CDCA7: variants seen among roughly 807,000 people sequenced by gnomAD.
CDCA7 encodes the protein cell division cycle associated 7.
A neutral mutation model predicts 54.0 loss-of-function variants in CDCA7; 28 were observed. The observed-to-expected ratio is 0.52, with a 90% CI of 0.38 to 0.71. The LOEUF is 0.71. Among genes scored for constraint, CDCA7 ranks in the 30% least tolerant of loss-of-function variants. The pLI is 0.00. For missense variants in CDCA7, 484 were observed against 586.0 expected, an observed-to-expected ratio of 0.83 and a Z score of 1.80; for synonymous variants, 180 against 208.2, an observed-to-expected ratio of 0.86 and a Z score of 1.16.
At chr2:173,361,063 T>G (rs1370800239) in intron 3 of CDCA7, among the ~76,000 whole-genome samples, 1 of 152,238 alleles carries the variant, frequency 6.6e-6, no homozygotes, top group Non-Finnish European at 1.5e-5. Flanking sequence ...TGGTCTTTTG[T>G]GACTGGCTTC....
chr2:173,367,349 A>G (rs1686743222), intron 9 of CDCA7, 63 bp downstream of exon 9: 9 of 1,600,084 alleles, frequency 5.6e-6, no homozygotes, highest in Admixed American at 1.7e-5. Flanking sequence ...TCTTAATGAG[A>G]AGATGATAGA....
At chr2:173,362,005 C>T (rs1405489383) in intron 3 of CDCA7, among the ~76,000 whole-genome samples, 1 of 151,986 alleles carries the variant, frequency 6.6e-6, no homozygotes, top group African/African-American at 2.4e-5. Context: ...TTAGTAGAAA[C>T]GGGATTTCAC....
chr2:173,355,433 G>T (rs1686479458), intron 1 of CDCA7, among the ~76,000 whole-genome samples: 1 of 152,232 alleles, frequency 6.6e-6, no homozygotes, highest in Non-Finnish European at 1.5e-5. Context: ...CGCGCTCAGT[G>T]GGTGGCCCTT....
chr2:173,366,136 C>T lies in CDCA7; in HGVS notation c.1036-147C>T, dbSNP rs1363315842. On this transcript the variant is annotated intron_variant, in intron 7 of 9. Transcript: ENST00000306721. This position sits in a 1 kb window ranked among gnomAD's most constrained non-coding sequence, Gnocchi z 4.5. ...CACTGCACCTGGTTGAGTTATTTTT[C>T]ATACCCTGGCATATACATGTGTATG... The T allele has an allele frequency of 4.4e-5, 40 of 906,260 alleles. No homozygotes were observed. Among genetic ancestry groups the T allele is most frequent in the Non-Finnish European group, 5.9e-5 (37 of 623,652 alleles). 56.1% of individuals were successfully genotyped at this position (906,260 alleles called of 1,614,324 possible). A position where few individuals can be genotyped will look rare whatever the true frequency, so the allele number is the denominator to read the frequency against.
chr2:173,364,605 C>A, intron 5 of CDCA7, 190 bp from the exon 6 acceptor site: 1 of 659,250 alleles, frequency 1.5e-6, no homozygotes, highest in Non-Finnish European at 2.2e-6. Flanking sequence ...CTTGGTATTA[C>A]AAAAGCAAAA....
In CDCA7 at chr2:173,367,281, G is replaced by A; in HGVS notation, c.1317G>A (p.Leu439=). The change falls in exon 9 of 10, where the codon TTG becomes TTA. Residue 439 remains leucine, a synonymous_variant. Coordinates refer to ENST00000306721, the MANE Select transcript of CDCA7 (RefSeq NM_031942.5). ...YHGFGNVHAY[L]KSLKQEFEMQ... ...GCTTTGGGAATGTGCATGCCTACTT[G>A]AAAAGGTAGTGGGTGTTTTTTTTTC... The A allele has an allele frequency of 6.2e-7, 1 of 1,614,080 alleles. No homozygotes were observed.
chr2:173,365,110 C>T (rs1686696002), intron 6 of CDCA7, 121 bp downstream of exon 6: 1 of 1,385,848 alleles, frequency 7.2e-7, no homozygotes, highest in Admixed American at 3.3e-5. Flanking sequence ...ATGTTTTCCT[C>T]TAACCATTCA....
chr2:173,359,500 G>A lies in CDCA7; in HGVS notation c.384+9G>A, dbSNP rs866252173. On this transcript the variant is annotated intron_variant, in intron 3 of 9. Transcript: ENST00000306721. ...AGATACAAGATGGAATGGTGAGTTC[G>A]AGAATTTCACCAGTTTCAAGAAGTA... 10 of 1,600,654 alleles carry A rather than the reference G, an allele frequency of 6.2e-6. No homozygotes were observed. The Middle Eastern group carries it at 1.3e-3, about 212-fold the overall frequency.
chr2:173,358,860 C>G, intron 2 of CDCA7, 23 bp downstream of exon 2: 1 of 1,605,650 alleles, frequency 6.2e-7, no homozygotes, highest in East Asian at 2.2e-5. Flanking sequence ...TGAGAATAAA[C>G]AGAATTGAGT....
intron 7 of CDCA7, among the ~76,000 whole-genome samples, chr2:173,365,959 T>G (rs1201674349): frequency 1.3e-5 from 2 of 152,174 alleles, no homozygotes; most frequent in Non-Finnish European, 2.9e-5. Context: ...GACCTTTTCT[T>G]AAAGGGAAAG....
intron 5 of CDCA7, 28 bp from the exon 6 acceptor site, chr2:173,364,767 T>TG: frequency 6.4e-7 from 1 of 1,562,976 alleles, no homozygotes; most frequent in Non-Finnish European, 8.6e-7. Context: ...ATGGAATAAA[T>TG]GGATTCCCTT....
Position 173,364,924 on chromosome 2 carries a change from G to A in CDCA7, c.829G>A (p.Glu277Lys). Reference protein sequence around the residue: ...LGSLDALPMEEEEEEDKYMLV... With the variant: ...LGSLDALPMEKEEEEDKYMLV... ...GTCCCTTGACGCTCTACCCATGGAG[G>A]AGGAGGAGGAAGAGGATAAGTACAT... Residue 277 changes from glutamate (E) to lysine (K), a missense_variant, in exon 6 of 10, where the codon GAG (glutamate) becomes AAG (lysine). Glu to Lys is a moderately conservative substitution (Grantham distance 56). Coordinates refer to ENST00000306721, the MANE Select transcript of CDCA7 (RefSeq NM_031942.5). The A allele has an allele frequency of 1.9e-6, 3 of 1,608,932 alleles. No homozygotes were observed. The highest frequency in any genetic ancestry group is 2.5e-6 in the Non-Finnish European group (3 of 1,178,360).
chr2:173,362,069 G>A (rs944752254), intron 3 of CDCA7, among the ~76,000 whole-genome samples: 2 of 152,102 alleles, frequency 1.3e-5, no homozygotes, highest in Non-Finnish European at 2.9e-5. Context: ...CGCCTGCCCC[G>A]GCCTTCCAAA....
intron 1 of CDCA7, chr2:173,356,099 G>C (rs1368601762): frequency 6.6e-6 from 1 of 152,166 alleles, no homozygotes; most frequent in Non-Finnish European, 1.5e-5. Flanking sequence ...AACCTGACGT[G>C]AAAGTGTACT....
intron 1 of CDCA7, among the ~76,000 whole-genome samples, chr2:173,355,195 G>A (rs1374871782): frequency 6.6e-6 from 1 of 152,276 alleles, no homozygotes; most frequent in Non-Finnish European, 1.5e-5. Context: ...CACCCGAAGT[G>A]CGGGCGGCGT....
chr2:173,359,186 G>C, intron 2 of CDCA7, 69 bp from the exon 3 acceptor site: 1 of 1,296,288 alleles, frequency 7.7e-7, no homozygotes, highest in Non-Finnish European at 1.1e-6. Flanking sequence ...CTCTCTGCAC[G>C]GTTTATGGAA....
chr2:173,357,224 A>G (rs1298066063), intron 1 of CDCA7, among the ~76,000 whole-genome samples: 2 of 152,358 alleles, frequency 1.3e-5, no homozygotes, highest in African/African-American at 2.4e-5. Flanking sequence ...ATAGATGCCA[A>G]TTACATTTTC....
intron 7 of CDCA7, among the ~76,000 whole-genome samples, chr2:173,365,868 T>C (rs1205794324): frequency 6.6e-6 from 1 of 152,276 alleles, no homozygotes; most frequent in Non-Finnish European, 1.5e-5. Context: ...ATATCTATTA[T>C]GTGTGTATAC....
At chr2:173,355,391 G>T (rs138427031) in intron 1 of CDCA7, among the ~76,000 whole-genome samples, 1,866 of 152,120 alleles carry the variant, frequency 0.012, 17 homozygotes, top group Non-Finnish European at 0.018. Context: ...CACACAACTC[G>T]GAGCCAGTGC....
Sources: allele counts gnomAD v4.1 joint callset (sites outside exome capture counted in the v4.1 genomes callset), GRCh38; gene constraint gnomAD v4.1.1; non-coding constraint Gnocchi (gnomAD v3.1); transcripts MANE v1.5; gene names NCBI Gene and HGNC (gene_info 2026-07-23, HGNC 2026-07-21).